GRK6: variants seen among roughly 807,000 people sequenced by gnomAD.
GRK6 encodes G protein-coupled receptor kinase 6.
In GRK6, 37 loss-of-function variants were observed where a neutral mutation model predicts 80.8. The observed-to-expected ratio is 0.46, with a 90% CI of 0.35 to 0.60. The LOEUF (loss-of-function observed/expected upper bound fraction) is 0.60. Among genes scored for constraint, GRK6 ranks in the 20% least tolerant of loss-of-function variants. GRK6 has a pLI of 0.00. For missense variants in GRK6, 560 were observed against 784.6 expected (o/e 0.71, Z 3.42); for synonymous variants, 295 against 320.9 (o/e 0.92, Z 0.86).
In GRK6 at chr5:177,431,963, G is replaced by A. The variant is rs771985466; in HGVS notation, c.149-32G>A. The stretch of plus-strand genomic sequence containing the variant: ...TGCCCCACCCATGTGCTCTCGGGCT[G>A]TGGACCCAGCAGCTTCCATCACTGC... On this transcript the variant is annotated intron_variant, in intron 2 of 15. Coordinates refer to ENST00000355472, the MANE Select transcript of GRK6 (RefSeq NM_001004106.3). 4.4e-6 allele frequency: 7 copies of A among 1,597,236 alleles called. No individual in the cohort carries two copies. In the South Asian group the frequency reaches 6.6e-5, roughly 15 times the overall value.
intron 1 of GRK6, among the ~76,000 whole-genome samples, chr5:177,430,357 G>A (rs1358756462): frequency 6.6e-6 from 1 of 152,230 alleles, no homozygotes; most frequent in Non-Finnish European, 1.5e-5. Context: ...AGGGGACGGG[G>A]AGTCCTGGGT....
In GRK6 at chr5:177,433,180, T is replaced by G. The variant is rs1354488266; in HGVS notation, c.474T>G (p.Phe158Leu). 6.2e-7 allele frequency: 1 copy of G among 1,614,160 alleles called. No homozygotes were observed. ...LTHEYLSVAP[F>L]ADYLDSIYFN... Reference sequence around the variant, plus strand: ...ACGAGTACCTGAGCGTGGCCCCTTTTGCCGACTACCTCGACAGCATCTACT... The same window carrying G: ...ACGAGTACCTGAGCGTGGCCCCTTTGGCCGACTACCTCGACAGCATCTACT... The change falls in exon 6 of 16, where the codon TTT becomes TTG. Residue 158 changes from phenylalanine (F) to leucine (L), a missense_variant. By Grantham distance (22) the Phe-to-Leu change is conservative. Transcript: ENST00000355472.
At position 177,435,035 on chromosome 5, in the gene GRK6, A is replaced by G. The variant is rs560434892; in HGVS notation, c.971A>G (p.His324Arg). ...PENILLDDHG[H>R]IRISDLGLAV... is the part of the protein sequence containing the mutation. ...CTGTTTCTCCACCCACACTCAGGCC[A>G]CATCCGCATCTCTGACCTGGGACTA... Residue 324 changes from histidine (H) to arginine (R), a missense_variant, in exon 11 of 16, where the codon CAC (histidine) becomes CGC (arginine). His to Arg is a conservative substitution (Grantham distance 29). This residue lies in a region of GRK6 where 294 missense variants were observed against 397.4 expected (regional missense o/e 0.74). Transcript: ENST00000355472. 6.2e-7 allele frequency: 1 copy of G among 1,613,066 alleles called. No homozygotes were observed. Among genetic ancestry groups the G allele is most frequent in the South Asian group, 1.1e-5 (1 of 91,030 alleles).
chr5:177,431,046 C>T (rs1326663790), intron 2 of GRK6, 79 bp downstream of exon 2: 2 of 1,270,856 alleles, frequency 1.6e-6, no homozygotes, highest in Non-Finnish European at 2.2e-6. Context: ...GAGACCTTGC[C>T]CCGGAGCAGA....
intron 5 of GRK6, 135 bp from the exon 6 acceptor site, chr5:177,433,012 G>A: frequency 1.2e-6 from 1 of 818,764 alleles, no homozygotes; most frequent in African/African-American, 1.7e-5. Context: ...TCCCCGCTCA[G>A]GGGTTAGCAG....
Position 177,433,613 on chromosome 5 carries a change from G to T in GRK6, c.675G>T (p.Arg225=). ...TAGAGAAAAAGCGGATCAAGAAGCGGAAAGGGGAGGCCATGGCGCTGAACG... is the reference window on the plus strand; with the variant it reads ...TAGAGAAAAAGCGGATCAAGAAGCGTAAAGGGGAGGCCATGGCGCTGAACG... ...KKLEKKRIKK[R]KGEAMALNEK... is the part of the protein sequence containing the mutation. The change falls in exon 8 of 16, where the codon CGG becomes CGT. Residue 225 remains arginine (R), a synonymous_variant. Coordinates refer to ENST00000355472, the MANE Select transcript of GRK6 (RefSeq NM_001004106.3). 1 of 1,614,182 alleles carries T rather than the reference G, an allele frequency of 6.2e-7. No individual in the cohort carries two copies.
chr5:177,440,035 G>C (rs1764387827), intron 13 of GRK6: 1 of 152,416 alleles, frequency 6.6e-6, no homozygotes, highest in Admixed American at 6.5e-5. Context: ...TCTATACCTA[G>C]GAGTAGAATT....
chr5:177,433,796 A>ACCGGGTTTGGGGTGTTGACT, intron 8 of GRK6, 118 bp from the exon 9 acceptor site: 2 of 1,521,000 alleles, frequency 1.3e-6, no homozygotes, highest in Non-Finnish European at 1.8e-6. Flanking sequence ...GGGTGTTGAC[A>ACCGGGTTTGGGGTGTTGACT]CCAGGCTTGG....
intron 13 of GRK6, among the ~76,000 whole-genome samples, chr5:177,438,180 C>T (rs1284649067): frequency 4.6e-5 from 7 of 152,100 alleles, no homozygotes; most frequent in Admixed American, 4.6e-4. Flanking sequence ...ACCAGCCTGA[C>T]CAACATGGAG....
intron 4 of GRK6, 104 bp from the exon 5 acceptor site, chr5:177,432,602 C>T: frequency 1.2e-6 from 1 of 828,330 alleles, no homozygotes; most frequent in Admixed American, 2.6e-5. Context: ...CCCTGGCCTG[C>T]AGCCTCTCAT....
intron 5 of GRK6, 104 bp downstream of exon 5, chr5:177,432,910 C>A: frequency 1.0e-6 from 1 of 967,086 alleles, no homozygotes; most frequent in Non-Finnish European, 1.6e-6. Flanking sequence ...GGGAGCTCAG[C>A]TGCCCAGCCC....
chr5:177,440,275 T>C (rs335434), intron 13 of GRK6, among the ~76,000 whole-genome samples: 64,915 of 152,138 alleles, frequency 0.43, 14,931 homozygotes, highest in Non-Finnish European at 0.54. Context: ...TCTGATTGGC[T>C]GGGAGAGAAG....
rs545386263 is a variant in GRK6, at chr5:177,429,491, G to A, written c.53-1381G>A. Reference sequence around the variant, plus strand: ...CCCTTCTGGGAAGGCCTTGCCCTGGGTTGAGGGGTGGGTGTCTGTTGCTCA... The same window carrying A: ...CCCTTCTGGGAAGGCCTTGCCCTGGATTGAGGGGTGGGTGTCTGTTGCTCA... On this transcript the variant is annotated intron_variant, in intron 1 of 15. Transcript: ENST00000355472. This position sits in a 1 kb window ranked among gnomAD's most constrained non-coding sequence, Gnocchi z 4.3. 6.6e-6 allele frequency among the ~76,000 whole-genome samples: 1 copy of A among 152,266 alleles called. No individual in the cohort carries two copies. Among genetic ancestry groups the A allele is most frequent in the South Asian group, 2.1e-4 (1 of 4,826 alleles).
In GRK6 at chr5:177,430,933, C is replaced by T. The variant is rs751400478; in HGVS notation, c.114C>T (p.His38=). ...GGCGGCAGATGCTCCAGTTCCCTCA[C>T]ATCAGCCAGTGCGAAGAGCTGCGGC... ...KKWRQMLQFP[H]ISQCEELRLS... The change falls in exon 2 of 16, where the codon CAC becomes CAT. Residue 38 remains histidine, a synonymous_variant. Transcript: ENST00000355472. The T allele has an allele frequency of 2.6e-5, 42 of 1,613,974 alleles. 1 individual carries two copies. The South Asian group carries it at 4.4e-4, about 17-fold the overall frequency.
chr5:177,441,844 C>T lies in GRK6; in HGVS notation c.*54C>T, dbSNP rs372916261. The T allele has an allele frequency of 8.7e-5, 134 of 1,547,290 alleles. No individual in the cohort carries two copies. Among genetic ancestry groups the T allele is most frequent in the African/African-American group, 1.5e-4 (11 of 73,812 alleles). On this transcript the variant is annotated 3_prime_UTR_variant, in exon 16 of 16. Coordinates refer to ENST00000355472, the MANE Select transcript of GRK6 (RefSeq NM_001004106.3). ...TGGCGGTAGCAGCTACTCCGAGCGC[C>T]GTTTACAGTTTTGCACAGTGATCTT...
At chr5:177,440,563 G>T in intron 13 of GRK6, 137 bp from the exon 14 acceptor site, 1 of 1,010,234 alleles carries the variant, frequency 9.9e-7, no homozygotes, top group South Asian at 1.6e-5. Context: ...AGTGCGTGGG[G>T]CACCTGGTTT....
rs139041483 is a variant in GRK6, at chr5:177,436,104, G to A, written c.1089G>A (p.Thr363=). 4.8e-5 allele frequency: 77 copies of A among 1,613,964 alleles called. No individual in the cohort carries two copies. Among genetic ancestry groups the A allele is most frequent in the Middle Eastern group, 3.3e-4 (2 of 6,084 alleles). ...APEVVKNERY[T]FSPDWWALGC... ...AGGTGGTGAAGAATGAACGGTACAC[G>A]TTCAGCCCTGACTGGTGGGCGCTCG... is the stretch of plus-strand genomic sequence containing the variant. The change falls in exon 12 of 16, where the codon ACG becomes ACA. Residue 363 remains threonine (T), a synonymous_variant. Transcript: ENST00000355472.
Position 177,429,857 on chromosome 5 carries a change from G to T in GRK6, c.53-1015G>T, listed in dbSNP as rs914299583. Among the ~76,000 whole-genome samples the T allele has an allele frequency of 6.6e-6, 1 of 152,182 alleles. No individual in the cohort carries two copies. The highest frequency in any genetic ancestry group is 1.5e-5 in the Non-Finnish European group (1 of 68,038). On this transcript the variant is annotated intron_variant, in intron 1 of 15. Coordinates refer to ENST00000355472, the MANE Select transcript of GRK6 (RefSeq NM_001004106.3). The surrounding 1 kb of genome is among the most constrained non-coding windows in gnomAD (Gnocchi z 4.3). ...TCCCATTCACTACGTAACACACATG[G>T]AGAAGCTGAGGTTCACAGATAGCGA...
At chr5:177,438,220 T>G (rs1241263981) in intron 13 of GRK6, among the ~76,000 whole-genome samples, 1 of 151,860 alleles carries the variant, frequency 6.6e-6, no homozygotes, top group East Asian at 1.9e-4. Context: ...AATACAAAAT[T>G]AGCTGGGCAT....
Sources: allele counts gnomAD v4.1 joint callset (sites outside exome capture counted in the v4.1 genomes callset), GRCh38; gene constraint gnomAD v4.1.1; regional missense constraint gnomAD v4.1.1; non-coding constraint Gnocchi (gnomAD v3.1); transcripts MANE v1.5; gene names NCBI Gene and HGNC (gene_info 2026-07-23, HGNC 2026-07-21).